TNIK: variants seen among roughly 807,000 people sequenced by gnomAD.
The protein encoded by TNIK is TRAF2 and NCK-interacting protein kinase.
In TNIK, 49 loss-of-function variants were observed where a neutral mutation model predicts 191.3. The observed-to-expected ratio is 0.26, with a 90% CI of 0.20 to 0.32. The LOEUF (loss-of-function observed/expected upper bound fraction) is 0.32, where lower values mean the gene tolerates loss of function less well. Among genes scored for constraint, TNIK ranks in the 10% least tolerant of loss-of-function variants. The pLI is 1.00. For missense variants in TNIK, 1,155 were observed against 1,702.3 expected (o/e 0.68, Z 5.66); for synonymous variants, 594 against 600.9 (o/e 0.99, Z 0.17).
In TNIK at chr3:171,113,990, G is replaced by A. The variant is rs1205327744; in HGVS notation, c.2121-3113C>T. Among the ~76,000 whole-genome samples the A allele has an allele frequency of 1.2e-4, 9 of 75,670 alleles. No homozygotes were observed. The East Asian group carries it at 2.8e-3, about 23-fold the overall frequency. 49.6% of individuals were successfully genotyped at this position (75,670 alleles called of 152,430 possible). A position where few individuals can be genotyped will look rare whatever the true frequency, so the allele number is the denominator to read the frequency against. ...GGGAGGCAGCTGCTGAGGATTTTAC[G>A]ATTTTGTTAAAAAAAAAAAAAAAAA... On this transcript the variant is annotated intron_variant, in intron 18 of 32. Transcript: ENST00000436636.
At chr3:171,185,030 T>C (rs1737181746) in intron 7 of TNIK, among the ~76,000 whole-genome samples, 1 of 152,166 alleles carries the variant, frequency 6.6e-6, no homozygotes, top group Admixed American at 6.5e-5. Flanking sequence ...TCTTACTTCA[T>C]TGGCTTCATA....
intron 15 of TNIK, among the ~76,000 whole-genome samples, chr3:171,129,452 T>C (rs564927797): frequency 6.6e-6 from 1 of 152,322 alleles, no homozygotes; most frequent in East Asian, 1.9e-4. Context: ...TATCACTTTC[T>C]TTTTCTCTCT....
chr3:171,282,341 G>GTTTTTT (rs869305605), intron 2 of TNIK, among the ~76,000 whole-genome samples: 1 of 79,950 alleles, frequency 1.3e-5, no homozygotes, highest in Non-Finnish European at 2.6e-5. Context: ...ATGGTTTTTT[G>GTTTTTT]TTTTTTTTTT....
intron 2 of TNIK, among the ~76,000 whole-genome samples, chr3:171,369,260 T>C (rs368667991): frequency 6.6e-6 from 1 of 152,198 alleles, no homozygotes; most frequent in East Asian, 1.9e-4. Context: ...CCAGCTGTAA[T>C]AGTTTAATAG....
At position 171,452,729 on chromosome 3, in the gene TNIK, A is replaced by AACACACACAC. The variant is rs10602125; in HGVS notation, c.57+7268_57+7277dup. 3.7e-3 allele frequency among the ~76,000 whole-genome samples: 534 copies of AACACACACAC among 142,634 alleles called. 7 individuals carry two copies. Among genetic ancestry groups the AACACACACAC allele is most frequent in the African/African-American group, 0.013 (489 of 39,116 alleles). The allele number at this position is 142,634 out of a possible 152,430, so 93.6% of individuals were successfully genotyped here. A position where few individuals can be genotyped will look rare whatever the true frequency, so the allele number is the denominator to read the frequency against. On this transcript the variant is annotated intron_variant, in intron 1 of 32. Coordinates refer to ENST00000436636, the MANE Select transcript of TNIK (RefSeq NM_015028.4). ...GTTGAAATAATTGAAACACACTCCA[A>AACACACACAC]ACACACACACACACACACACACACA...
chr3:171,418,976 T>A (rs925855743), intron 1 of TNIK, among the ~76,000 whole-genome samples: 1 of 152,118 alleles, frequency 6.6e-6, no homozygotes, highest in Non-Finnish European at 1.5e-5. Flanking sequence ...GGCTTGCAAA[T>A]GGTCACCTTT....
At position 171,366,341 on chromosome 3, in the gene TNIK, C is replaced by T. The variant is rs1052627068; in HGVS notation, c.123+3279G>A. Among the ~76,000 whole-genome samples the T allele has an allele frequency of 2.6e-5, 4 of 151,998 alleles. No individual in the cohort carries two copies. Among genetic ancestry groups the T allele is most frequent in the Admixed American group, 1.3e-4 (2 of 15,262 alleles). On this transcript the variant is annotated intron_variant, in intron 2 of 32. Coordinates refer to ENST00000436636, the MANE Select transcript of TNIK (RefSeq NM_015028.4). The surrounding 1 kb of genome is among the most constrained non-coding windows in gnomAD (Gnocchi z 4.1). ...TAAAGATAAACAAATCTAACCTTGC[C>T]CAAAACAGGAATAAGCTAAAATTGG...
At chr3:171,419,012 G>C (rs1382936490) in intron 1 of TNIK, among the ~76,000 whole-genome samples, 1 of 152,138 alleles carries the variant, frequency 6.6e-6, no homozygotes, top group Non-Finnish European at 1.5e-5. Context: ...ATGGCAGAGA[G>C]AGAGCAAGCT....
intron 2 of TNIK, among the ~76,000 whole-genome samples, chr3:171,292,354 G>C (rs1168364574): frequency 1.3e-5 from 2 of 152,184 alleles, no homozygotes; most frequent in Non-Finnish European, 2.9e-5. Flanking sequence ...TTTGAACAGT[G>C]TTAATGTTTA....
At chr3:171,162,531 G>A (rs1165196818) in intron 10 of TNIK, among the ~76,000 whole-genome samples, 2 of 152,334 alleles carry the variant, frequency 1.3e-5, no homozygotes, top group South Asian at 2.1e-4. Flanking sequence ...CAGTTTACAT[G>A]TGTGAATGAA....
At chr3:171,072,294 T>C (rs1028966171) in intron 28 of TNIK, among the ~76,000 whole-genome samples, 5 of 152,178 alleles carry the variant, frequency 3.3e-5, no homozygotes, top group Non-Finnish European at 5.9e-5. Context: ...AATTTTAATA[T>C]ACTTAAATGA....
intron 1 of TNIK, among the ~76,000 whole-genome samples, chr3:171,376,006 C>T (rs1272103869): frequency 6.6e-6 from 1 of 152,120 alleles, no homozygotes; most frequent in Non-Finnish European, 1.5e-5. Context: ...CTGCTACCCC[C>T]GGATTCCCTA....
chr3:171,343,879 CACTT>C (rs1290284292), intron 2 of TNIK, among the ~76,000 whole-genome samples: 2 of 152,184 alleles, frequency 1.3e-5, no homozygotes, highest in East Asian at 1.9e-4. Context: ...ATGCCTCACT[CACTT>C]GTTTCAGTAA....
chr3:171,199,029 A>G (rs1739071199), intron 4 of TNIK, among the ~76,000 whole-genome samples: 1 of 152,116 alleles, frequency 6.6e-6, no homozygotes, highest in Non-Finnish European at 1.5e-5. Context: ...GAGTCTTTCA[A>G]AATTAGATTG....
chr3:171,070,365 G>A (rs962236783), intron 29 of TNIK, among the ~76,000 whole-genome samples: 5 of 151,944 alleles, frequency 3.3e-5, no homozygotes, highest in South Asian at 2.1e-4. Flanking sequence ...AAATAATAAG[G>A]AGCCAAATGG....
intron 2 of TNIK, among the ~76,000 whole-genome samples, chr3:171,266,891 C>A (rs1368646273): frequency 6.6e-6 from 1 of 152,196 alleles, no homozygotes; most frequent in Non-Finnish European, 1.5e-5. Context: ...ACTATTTTCA[C>A]TCAGAGTCTG....
At chr3:171,180,377 C>G (rs1296523389) in intron 7 of TNIK, among the ~76,000 whole-genome samples, 1 of 152,136 alleles carries the variant, frequency 6.6e-6, no homozygotes, top group Non-Finnish European at 1.5e-5. Flanking sequence ...CTAACCACCT[C>G]TAACATACGA....
chr3:171,110,801 A>G lies in TNIK; in HGVS notation c.2197T>C (p.Ser733Pro). Reference sequence around the variant, plus strand: ...CTGGGCTGGGAGCTAGGGGTGCTGGAGCTGGAGGAACTGCCACTGCTGGTC... The same window carrying G: ...CTGGGCTGGGAGCTAGGGGTGCTGGGGCTGGAGGAACTGCCACTGCTGGTC... ...QRTSSGSSSS[S>P]STPSSQPSSQ... Residue 733 changes from serine (S) to proline (P), a missense_variant, in exon 19 of 33, where the codon TCC becomes CCC. Physicochemically the swap from Ser to Pro is moderately conservative, Grantham distance 74. This residue lies in a region of TNIK where 735 missense variants were observed against 848.0 expected (regional missense o/e 0.87). Transcript: ENST00000436636. 1.2e-6 allele frequency: 2 copies of G among 1,604,152 alleles called. No individual in the cohort carries two copies. Among genetic ancestry groups the G allele is most frequent in the South Asian group, 1.1e-5 (1 of 88,326 alleles).
intron 2 of TNIK, among the ~76,000 whole-genome samples, chr3:171,266,364 G>A (rs1748406806): frequency 6.6e-6 from 1 of 152,156 alleles, no homozygotes; most frequent in African/African-American, 2.4e-5. Context: ...GCCTACATTA[G>A]GGTCTAATAC....
Sources: gnomAD v4.1 joint callset for allele counts (sites outside exome capture counted in the v4.1 genomes callset) on GRCh38, gnomAD v4.1.1 for gene constraint, gnomAD v4.1.1 regional missense constraint, Gnocchi (gnomAD v3.1) non-coding constraint, MANE v1.5 for transcripts, NCBI Gene and HGNC (gene_info 2026-07-23, HGNC 2026-07-21) for gene names.